Variants in STK39 observed in about 807,000 individuals in gnomAD.
The protein encoded by STK39 is STE20/SPS1-related proline-alanine-rich protein kinase.
In STK39, 20 loss-of-function variants were observed where a neutral mutation model predicts 77.8. The ratio of observed to expected loss-of-function variants is 0.26; its 90% confidence interval spans 0.18 to 0.37. STK39 has a LOEUF of 0.37. STK39 is among the 10% of genes least tolerant of loss of function. STK39 has a pLI of 1.00. For missense variants in STK39, 479 were observed against 656.5 expected, an observed-to-expected ratio of 0.73 and a Z score of 2.95; for synonymous variants, 246 against 234.1, an observed-to-expected ratio of 1.05 and a Z score of -0.47.
At chr2:168,039,142 C>T (rs1685036319) in intron 14 of STK39, among the ~76,000 whole-genome samples, 1 of 152,038 alleles carries the variant, frequency 6.6e-6, no homozygotes, top group Non-Finnish European at 1.5e-5. Context: ...CCCAAATGTC[C>T]ATCATCAGGT....
chr2:167,955,699 G>C, intron 17 of STK39, 129 bp from the exon 18 acceptor site: 1 of 822,358 alleles, frequency 1.2e-6, no homozygotes, highest in African/African-American at 1.7e-5. Flanking sequence ...ATTTCTTCCA[G>C]AAGAGAGACG....
At position 168,140,496 on chromosome 2, in the gene STK39, C is replaced by T. The variant is rs79763779; in HGVS notation, c.739-106G>A. On this transcript the variant is annotated intron_variant, in intron 6 of 17. Transcript: ENST00000355999. ...CACAGCTGTTGATGTATAACTTTCA[C>T]GTTAGTTTGCTAATTAGCTAGCAAT... The T allele has an allele frequency of 9.3e-3, 11,202 of 1,205,192 alleles. 74 individuals are homozygous for T. The highest frequency in any genetic ancestry group is 0.018 in the Middle Eastern group (94 of 5,188). 74.7% of individuals were successfully genotyped at this position (1,205,192 alleles called of 1,614,324 possible).
At chr2:168,173,713 T>C (rs1235880978) in intron 2 of STK39, among the ~76,000 whole-genome samples, 1 of 152,202 alleles carries the variant, frequency 6.6e-6, no homozygotes, top group East Asian at 1.9e-4. Context: ...GTGTGCCACC[T>C]AATTTTTGTA....
At chr2:168,085,428 G>T (rs1018088440) in intron 10 of STK39, among the ~76,000 whole-genome samples, 1 of 152,160 alleles carries the variant, frequency 6.6e-6, no homozygotes, top group Non-Finnish European at 1.5e-5. Context: ...TATTCCTGCC[G>T]CATCCTGAGT....
rs1688715316 is a variant in STK39 at position 168,167,303 on chromosome 2, A to G, written c.426T>C (p.Ser142=). 1.2e-6 allele frequency: 2 copies of G among 1,613,152 alleles called. No homozygotes were observed. Among genetic ancestry groups the G allele is most frequent in the Non-Finnish European group, 1.7e-6 (2 of 1,179,288 alleles). The change falls in exon 3 of 18, where the codon AGT becomes AGC. Residue 142 remains serine, a synonymous_variant. Transcript: ENST00000355999. ...DELWLVMKLL[S]GGSMLDIIKY... ...ACAACAACAAAATCCACTTACCTCCACTTAGTAATTTCATGACCAGCCAAA... is the reference window on the plus strand; with the variant it reads ...ACAACAACAAAATCCACTTACCTCCGCTTAGTAATTTCATGACCAGCCAAA...
At chr2:168,011,230 C>T (rs926600795) in intron 16 of STK39, among the ~76,000 whole-genome samples, 2 of 151,670 alleles carry the variant, frequency 1.3e-5, no homozygotes, top group East Asian at 1.9e-4. Context: ...ACACGGGAGG[C>T]GGAGGTTGCA....
chr2:167,954,372 T>G lies in STK39; in HGVS notation c.*1124A>C, dbSNP rs201455120. 16 of 152,618 alleles carry G rather than the reference T, an allele frequency of 1.0e-4. No individual in the cohort carries two copies. The highest frequency in any genetic ancestry group is 4.6e-4 in the Admixed American group (7 of 15,284). 9.5% of individuals were successfully genotyped at this position (152,618 alleles called of 1,614,324 possible). A position where few individuals can be genotyped will look rare whatever the true frequency, so the allele number is the denominator to read the frequency against. ...AGAGGGCTACTTGGGTTGAAAGTAT[T>G]GATTCTTGAACCTTAACAGCGTTTT... On this transcript the variant is annotated 3_prime_UTR_variant, in exon 18 of 18. Transcript: ENST00000355999.
At chr2:168,164,563 C>T (rs771315104) in intron 3 of STK39, among the ~76,000 whole-genome samples, 101 of 152,230 alleles carry the variant, frequency 6.6e-4, no homozygotes, top group Admixed American at 2.2e-3. Context: ...CGTGCCACCA[C>T]GCCTGGCTAA....
chr2:168,113,517 T>TG (rs1460449903), intron 10 of STK39, among the ~76,000 whole-genome samples: 1 of 152,186 alleles, frequency 6.6e-6, no homozygotes, highest in African/African-American at 2.4e-5. Context: ...GACAGTGAGG[T>TG]GGGCCAGTGG....
chr2:168,083,540 A>G (rs1686293497), intron 10 of STK39, among the ~76,000 whole-genome samples: 1 of 152,130 alleles, frequency 6.6e-6, no homozygotes, highest in African/African-American at 2.4e-5. Context: ...TTTTTTTAAA[A>G]GACATAAATA....
At chr2:168,023,212 AG>A (rs1408584504) in intron 14 of STK39, among the ~76,000 whole-genome samples, 2 of 151,748 alleles carry the variant, frequency 1.3e-5, no homozygotes, top group African/African-American at 4.8e-5. Context: ...CACCATGCCC[AG>A]CCTGACTTTA....
intron 5 of STK39, among the ~76,000 whole-genome samples, chr2:168,151,053 G>A (rs1035699271): frequency 4.6e-5 from 7 of 152,108 alleles, no homozygotes; most frequent in Admixed American, 4.6e-4. Flanking sequence ...CCATGGCATG[G>A]TGTCCAAGTC....
intron 10 of STK39, among the ~76,000 whole-genome samples, chr2:168,110,337 A>G (rs1240772825): frequency 6.6e-6 from 1 of 152,154 alleles, no homozygotes; most frequent in Non-Finnish European, 1.5e-5. Flanking sequence ...GACTCAAGCA[A>G]TCCTCCTTCC....
chr2:167,982,515 T>C (rs1234215311), intron 16 of STK39, among the ~76,000 whole-genome samples: 1 of 152,218 alleles, frequency 6.6e-6, no homozygotes, highest in Non-Finnish European at 1.5e-5. Flanking sequence ...GCAGGAGGTA[T>C]GTTTATATCA....
intron 14 of STK39, among the ~76,000 whole-genome samples, chr2:168,054,488 C>T (rs1160336721): frequency 1.3e-5 from 2 of 152,154 alleles, no homozygotes. Context: ...TTGAAGGATA[C>T]CACTAATAAA....
intron 14 of STK39, among the ~76,000 whole-genome samples, chr2:168,021,868 T>C (rs1007927182): frequency 1.3e-5 from 2 of 151,824 alleles, no homozygotes; most frequent in Admixed American, 1.3e-4. Flanking sequence ...TCTGTGAAAA[T>C]TGGCCCTCTC....
intron 1 of STK39, among the ~76,000 whole-genome samples, chr2:168,199,541 T>C (rs569012656): frequency 6.6e-6 from 1 of 152,268 alleles, no homozygotes; most frequent in African/African-American, 2.4e-5. Context: ...CTTTTTTTTT[T>C]TTTTTAGACA....
At chr2:168,047,280 G>A (rs1028774493) in intron 14 of STK39, among the ~76,000 whole-genome samples, 2 of 152,350 alleles carry the variant, frequency 1.3e-5, no homozygotes, top group East Asian at 1.9e-4. Flanking sequence ...AGGATCCTGT[G>A]TGATTTACAA....
chr2:168,171,303 C>A (rs1181813606), intron 2 of STK39, among the ~76,000 whole-genome samples: 1 of 152,096 alleles, frequency 6.6e-6, no homozygotes, highest in Non-Finnish European at 1.5e-5. Flanking sequence ...AAGAAGGACA[C>A]CCACACACTG....
Sources: gnomAD v4.1 joint callset for allele counts (sites outside exome capture counted in the v4.1 genomes callset) on GRCh38, gnomAD v4.1.1 for gene constraint, MANE v1.5 for transcripts, NCBI Gene and HGNC (gene_info 2026-07-23, HGNC 2026-07-21) for gene names.